Variants in CDH23 observed in about 807,000 individuals in gnomAD.
The protein encoded by CDH23 is cadherin-23.
CDH23 carries 189 observed loss-of-function variants against 317.1 expected under a neutral mutation model. The ratio of observed to expected loss-of-function variants is 0.60; its 90% CI spans 0.53 to 0.67. The LOEUF (loss-of-function observed/expected upper bound fraction) is 0.67, where lower values mean the gene tolerates loss of function less well. Among genes scored for constraint, CDH23 ranks in the 30% least tolerant of loss-of-function variants. The pLI is 0.00. For missense variants in CDH23, 4,401 were observed against 4,592.4 expected, an observed-to-expected ratio of 0.96 and a Z score of 1.20; for synonymous variants, 1,839 against 1,876.8, an observed-to-expected ratio of 0.98 and a Z score of 0.52.
intron 1 of CDH23, among the ~76,000 whole-genome samples, chr10:71,416,398 C>G (rs576477028): frequency 1.3e-5 from 2 of 152,178 alleles, no homozygotes; most frequent in Non-Finnish European, 2.9e-5. Context: ...CTTTGGAACA[C>G]TTTAACTCCA....
intron 14 of CDH23, among the ~76,000 whole-genome samples, chr10:71,668,031 C>T (rs537024537): frequency 3.4e-4 from 52 of 152,274 alleles, no homozygotes; most frequent in African/African-American, 1.2e-3. Context: ...AAGCCACCTG[C>T]ACAGACCAAG....
At chr10:71,497,492 T>G (rs1853039516) in intron 3 of CDH23, among the ~76,000 whole-genome samples, 1 of 114,974 alleles carries the variant, frequency 8.7e-6, no homozygotes, top group Admixed American at 8.1e-5. Flanking sequence ...CTCAGGCTGC[T>G]ATTTCAGGGC....
At chr10:71,812,073 T>C in intron 66 of CDH23, 58 bp downstream of exon 66, 2 of 1,613,306 alleles carry the variant, frequency 1.2e-6, no homozygotes, top group Non-Finnish European at 1.7e-6. Context: ...AGGACCCAGC[T>C]GGGGAGAGCT....
chr10:71,799,572 A>C lies in CDH23; in HGVS notation c.7305A>C (p.Ala2435=). 1 of 1,614,036 alleles carries C rather than the reference A, an allele frequency of 6.2e-7. No individual in the cohort carries two copies. The highest frequency in any genetic ancestry group is 8.5e-7 in the Non-Finnish European group (1 of 1,179,888). The change falls in exon 52 of 70, where the codon GCA becomes GCC. Residue 2435 remains alanine, a synonymous_variant. Transcript: ENST00000224721. ...TATDADSGNF[A]LIEYSLGDGE... ...CTGATGCTGACTCAGGCAACTTTGC[A>C]CTCATTGAGTACAGCCTTGGAGATG...
rs757448884 is a variant in CDH23 at position 71,793,351 on chromosome 10, G to C, written c.6423G>C (p.Arg2141Ser). 9.3e-6 allele frequency: 15 copies of C among 1,613,946 alleles called. No homozygotes were observed. Among genetic ancestry groups the C allele is most frequent in the Non-Finnish European group, 1.2e-5 (14 of 1,179,886 alleles). ...TIDREEQESY[R>S]LTVVATDRGT... is the part of the protein sequence containing the mutation. ...ACAGAGAGGAGCAGGAGTCCTACAG[G>C]CTAACGGTGGTGGCCACCGACCGGG... The change falls in exon 48 of 70, where the codon AGG becomes AGC. Residue 2141 changes from arginine to serine, a missense_variant. This residue lies in a region of CDH23 where 3,068 missense variants were observed against 3,203.3 expected (regional missense o/e 0.96). Transcript: ENST00000224721.
At position 71,679,754 on chromosome 10, in the gene CDH23, GTGA is replaced by G. The variant is rs200395713; in HGVS notation, c.1858+265_1858+267del. Among the ~76,000 whole-genome samples the G allele has an allele frequency of 1.9e-3, 297 of 152,344 alleles. 3 individuals are homozygous for G. The highest frequency in any genetic ancestry group is 0.015 in the Admixed American group (224 of 15,302). On this transcript the variant is annotated intron_variant, in intron 17 of 69. Coordinates refer to ENST00000224721, the MANE Select transcript of CDH23 (RefSeq NM_022124.6). ...CCAGCCCTGCAATCGAGCCAGAAGTGTGATGTTAACAGAATCTCTGGGGTTCTC... is the reference window on the plus strand; with the variant it reads ...CCAGCCCTGCAATCGAGCCAGAAGTGTGTTAACAGAATCTCTGGGGTTCTC...
At chr10:71,403,304 T>G (rs1460289773) in intron 1 of CDH23, among the ~76,000 whole-genome samples, 1 of 151,680 alleles carries the variant, frequency 6.6e-6, no homozygotes, top group Non-Finnish European at 1.5e-5. Context: ...GCTTGCTTTC[T>G]CTTTCTCTTT....
intron 18 of CDH23, among the ~76,000 whole-genome samples, chr10:71,683,368 C>T (rs2132684784): frequency 6.6e-6 from 1 of 152,350 alleles, no homozygotes; most frequent in South Asian, 2.1e-4. Context: ...TTCACATAAG[C>T]TCAGGAAAAT....
At chr10:71,587,053 CG>C (rs1859120997) in intron 9 of CDH23, among the ~76,000 whole-genome samples, 1 of 152,218 alleles carries the variant, frequency 6.6e-6, no homozygotes, top group Admixed American at 6.5e-5. Flanking sequence ...CAGCTACATA[CG>C]TCATCTCTCA....
At chr10:71,667,359 A>AGAGTGTGTGTGTGT (rs58361666) in intron 14 of CDH23, among the ~76,000 whole-genome samples, 4 of 112,116 alleles carry the variant, frequency 3.6e-5, no homozygotes, top group African/African-American at 4.0e-5. Context: ...AGAGAGAGAG[A>AGAGTGTGTGTGTGT]GTGTGTGTGT....
intron 11 of CDH23, among the ~76,000 whole-genome samples, chr10:71,632,724 C>G (rs1305955778): frequency 6.6e-6 from 1 of 152,110 alleles, no homozygotes; most frequent in African/African-American, 2.4e-5. Flanking sequence ...AGCTCCTCAC[C>G]TGAACACCCT....
intron 6 of CDH23, among the ~76,000 whole-genome samples, chr10:71,537,346 G>C (rs1564639561): frequency 6.6e-6 from 1 of 152,196 alleles, no homozygotes; most frequent in African/African-American, 2.4e-5. Flanking sequence ...GATCCGTCAG[G>C]GATCTGACAC....
chr10:71,570,239 AG>A (rs1278606074), intron 7 of CDH23, among the ~76,000 whole-genome samples: 2 of 152,194 alleles, frequency 1.3e-5, no homozygotes, highest in African/African-American at 4.8e-5. Flanking sequence ...GCCCAAAGCA[AG>A]GGACTCATGA....
intron 6 of CDH23, among the ~76,000 whole-genome samples, chr10:71,540,838 A>G (rs1322100514): frequency 6.6e-6 from 1 of 151,872 alleles, no homozygotes; most frequent in African/African-American, 2.4e-5. Flanking sequence ...ATCAGGCTGG[A>G]GCTAAGACCA....
intron 1 of CDH23, among the ~76,000 whole-genome samples, chr10:71,419,657 T>A (rs1161388387): frequency 1.3e-5 from 2 of 152,214 alleles, no homozygotes; most frequent in African/African-American, 4.8e-5. Flanking sequence ...TTTGTTACAT[T>A]TCCTTTACTT....
intron 9 of CDH23, among the ~76,000 whole-genome samples, chr10:71,614,970 TTA>T (rs1400053755): frequency 6.6e-6 from 1 of 152,234 alleles, no homozygotes; most frequent in Non-Finnish European, 1.5e-5. Context: ...TTTTTTAAAA[TTA>T]TGTCTTTAAT....
chr10:71,427,195 G>GAGAGAGAA (rs1849121653), intron 1 of CDH23, among the ~76,000 whole-genome samples: 1 of 98,948 alleles, frequency 1.0e-5, no homozygotes, highest in Non-Finnish European at 2.0e-5. Context: ...AGGAAGGAAA[G>GAGAGAGAA]AGAAAGAAAG....
chr10:71,565,799 A>G (rs1375240217), intron 6 of CDH23, among the ~76,000 whole-genome samples: 3 of 152,232 alleles, frequency 2.0e-5, no homozygotes, highest in Non-Finnish European at 2.9e-5. Context: ...AGATTATGTA[A>G]TTAACCCAAA....
At chr10:71,752,872 C>T (rs1840040734) in intron 38 of CDH23, 1 of 1,366,248 alleles carries the variant, frequency 7.3e-7, no homozygotes, top group Admixed American at 2.3e-5. Context: ...CTCTTCTGAC[C>T]AGCTGCTCTA....
Sources: gnomAD v4.1 joint callset for allele counts (sites outside exome capture counted in the v4.1 genomes callset) on GRCh38, gnomAD v4.1.1 for gene constraint, gnomAD v4.1.1 regional missense constraint, MANE v1.5 for transcripts, NCBI Gene and HGNC (gene_info 2026-07-23, HGNC 2026-07-21) for gene names.